The following GLB1 variants were observed in gnomAD, a reference collection of about 807,000 sequenced individuals.
GLB1 encodes the protein galactosidase beta 1, also known as beta-galactosidase.
GLB1 carries 56 observed loss-of-function variants against 74.0 expected under a neutral mutation model. The observed-to-expected ratio is 0.76, with a 90% CI of 0.61 to 0.94. The LOEUF is 0.94. GLB1 is among the 40% of genes least tolerant of loss of function. The pLI is 0.00. For synonymous variants in GLB1, 323 were observed against 323.6 expected (o/e 1.00, Z 0.02); for missense variants, 787 against 845.5 (o/e 0.93, Z 0.86).
At chr3:32,994,291 C>A (rs911470730), downstream of GLB1, among the ~76,000 whole-genome samples, 1 of 152,296 alleles carries the variant, frequency 6.6e-6, no homozygotes, top group Non-Finnish European at 1.5e-5. Flanking sequence ...ACAAACCTCA[C>A]GGTATGCTGA....
intron 12 of GLB1, among the ~76,000 whole-genome samples, chr3:33,020,671 G>T (rs747557466): frequency 1.3e-5 from 2 of 152,180 alleles, no homozygotes; most frequent in Non-Finnish European, 2.9e-5. Context: ...TTGGAAACTG[G>T]ATTGAGAAAA....
chr3:33,082,435 T>C (rs1700356835), intron 1 of GLB1, among the ~76,000 whole-genome samples: 1 of 152,194 alleles, frequency 6.6e-6, no homozygotes, highest in Non-Finnish European at 1.5e-5. Flanking sequence ...CACAATCCTC[T>C]GGGAATTGTA....
At position 33,060,944 on chromosome 3, in the gene GLB1, C is replaced by T. The variant is rs1360782524; in HGVS notation, c.553-2675G>A. Among the ~76,000 whole-genome samples, 4 of 152,054 alleles carry T rather than the reference C, an allele frequency of 2.6e-5. 1 individual carries two copies. Among genetic ancestry groups the T allele is most frequent in the South Asian group, 4.1e-4 (2 of 4,826 alleles). On this transcript the variant is annotated intron_variant, in intron 5 of 15. Transcript: ENST00000307363. Reference sequence around the variant, plus strand: ...TAGTAAGTGCTCAAAATGTTAGCAGCTAAGACTCTACTCAAGTTCTATGTT... The same window carrying T: ...TAGTAAGTGCTCAAAATGTTAGCAGTTAAGACTCTACTCAAGTTCTATGTT...
In GLB1 at chr3:32,997,049, A is replaced by C. The variant is rs767685019; in HGVS notation, c.2030T>G (p.Val677Gly). ...QKNKDSWLDH[V>G] ...CAAAGACACAGGCTTTCATCATCAT[A>C]CATGGTCCAGCCATGAATCTTTGTT... The change falls in exon 16 of 16, where the codon GTA becomes GGA. Residue 677 changes from valine (V) to glycine (G), a missense_variant. By Grantham distance (109) the Val-to-Gly change is moderately radical (BLOSUM62 -3). Coordinates refer to ENST00000307363, the MANE Select transcript of GLB1 (RefSeq NM_000404.4). 16 of 1,613,940 alleles carry C rather than the reference A, an allele frequency of 9.9e-6. No individual in the cohort carries two copies. Among genetic ancestry groups the C allele is most frequent in the Admixed American group, 6.7e-5 (4 of 59,996 alleles).
chr3:33,064,063 C>A (rs1404338378), intron 5 of GLB1, among the ~76,000 whole-genome samples: 1 of 152,122 alleles, frequency 6.6e-6, no homozygotes, highest in Admixed American at 6.5e-5. Context: ...GGCCCACACT[C>A]CCCTAGGGAG....
At chr3:33,053,697 C>A in intron 6 of GLB1, 148 bp from the exon 7 acceptor site, 1 of 1,069,494 alleles carries the variant, frequency 9.4e-7, no homozygotes, top group Non-Finnish European at 1.4e-6. Context: ...GAACTTAACA[C>A]CCAAGATGAT....
the GLB1 span, among the ~76,000 whole-genome samples, chr3:32,963,720 G>A: frequency 6.6e-6 from 1 of 152,150 alleles, no homozygotes; most frequent in Non-Finnish European, 1.5e-5. Flanking sequence ...AATATCTTAA[G>A]TGCATTTTGA....
intron 6 of GLB1, among the ~76,000 whole-genome samples, chr3:33,056,958 C>T (rs936061395): frequency 2.0e-5 from 3 of 152,182 alleles, no homozygotes; most frequent in African/African-American, 4.8e-5. Context: ...TCCAGTCAGA[C>T]ATTTAGCTGT....
At chr3:33,065,861 G>A (rs1023396731) in intron 4 of GLB1, among the ~76,000 whole-genome samples, 1 of 151,902 alleles carries the variant, frequency 6.6e-6, no homozygotes. Context: ...CAGCTACTTG[G>A]GAGGCTGAGG....
chr3:33,014,605 T>C lies in GLB1; in HGVS notation c.1480-295A>G, dbSNP rs9860199. Among the ~76,000 whole-genome samples the C allele has an allele frequency of 0.016, 2,460 of 152,276 alleles. 69 individuals carry two copies. Among genetic ancestry groups the C allele is most frequent in the East Asian group, 0.077 (399 of 5,164 alleles). ...AAAGGGCATTGAGTTGCTAGAGTGATTGATCCCAAATTCCCAAATTTTCAG... is the reference window on the plus strand; with the variant it reads ...AAAGGGCATTGAGTTGCTAGAGTGACTGATCCCAAATTCCCAAATTTTCAG... On this transcript the variant is annotated intron_variant, in intron 14 of 15. Transcript: ENST00000307363.
the GLB1 span, among the ~76,000 whole-genome samples, chr3:32,977,104 G>A: frequency 1.3e-5 from 2 of 152,180 alleles, no homozygotes; most frequent in African/African-American, 4.8e-5. Context: ...AATGGATTCA[G>A]TGGAGGCAGA....
At chr3:33,020,795 T>C (rs1405693921) in intron 12 of GLB1, among the ~76,000 whole-genome samples, 2 of 152,198 alleles carry the variant, frequency 1.3e-5, no homozygotes, top group African/African-American at 2.4e-5. Context: ...CATTGTATTG[T>C]GGTTCTGCAG....
At chr3:33,060,854 C>T (rs1383526374) in intron 5 of GLB1, among the ~76,000 whole-genome samples, 1 of 152,052 alleles carries the variant, frequency 6.6e-6, no homozygotes, top group Non-Finnish European at 1.5e-5. Context: ...GTACCTAACT[C>T]GATGGGTTAT....
intron 14 of GLB1, 133 bp from the exon 15 acceptor site, chr3:33,014,443 T>C (rs1697160477): frequency 1.5e-6 from 2 of 1,359,064 alleles, no homozygotes; most frequent in Non-Finnish European, 2.0e-6. Flanking sequence ...TCGAAATATG[T>C]GTACATCGAA....
At chr3:33,072,272 C>T (rs1699914420) in intron 2 of GLB1, among the ~76,000 whole-genome samples, 1 of 152,124 alleles carries the variant, frequency 6.6e-6, no homozygotes, top group South Asian at 2.1e-4. Flanking sequence ...GGTAAGTGCT[C>T]AATCATTGTT....
At chr3:33,064,594 T>C (rs1459412388) in intron 5 of GLB1, among the ~76,000 whole-genome samples, 1 of 151,244 alleles carries the variant, frequency 6.6e-6, no homozygotes, top group African/African-American at 2.4e-5. Context: ...CTGGCCAACA[T>C]GGCGAAACCC....
At chr3:33,080,102 G>T (rs113517322) in intron 1 of GLB1, among the ~76,000 whole-genome samples, 49,734 of 147,106 alleles carry the variant, frequency 0.34, 10,263 homozygotes, top group Middle Eastern at 0.49. Context: ...GTTTTTTTTT[G>T]TTTGTTTGTT....
At chr3:33,022,563 G>GGTTTTTTTTTTTTTTTT (rs1380045437) in intron 11 of GLB1, among the ~76,000 whole-genome samples, 4 of 15,314 alleles carry the variant, frequency 2.6e-4, no homozygotes, top group Admixed American at 1.2e-3. Flanking sequence ...TACTGGTTAG[G>GGTTTTTTTTTTTTTTTT]ATTTTTTTTT....
At chr3:33,037,276 C>T (rs1346017088) in intron 10 of GLB1, among the ~76,000 whole-genome samples, 2 of 151,964 alleles carry the variant, frequency 1.3e-5, no homozygotes, top group Non-Finnish European at 2.9e-5. Flanking sequence ...GAACTCCTGA[C>T]CTTAGGTGAT....
Sources: allele counts gnomAD v4.1 joint callset (sites outside exome capture counted in the v4.1 genomes callset), GRCh38; gene constraint gnomAD v4.1.1; transcripts MANE v1.5; gene names NCBI Gene and HGNC (gene_info 2026-07-23, HGNC 2026-07-21).